CEACAM7: variants seen among roughly 807,000 people sequenced by gnomAD.
The protein encoded by CEACAM7 is CEA cell adhesion molecule 7, also known as cell adhesion molecule CEACAM7.
In CEACAM7, 24 loss-of-function variants were observed where a neutral mutation model predicts 25.7. The observed-to-expected ratio is 0.93, with a 90% confidence interval of 0.68 to 1.31. The LOEUF is 1.31. CEACAM7 is among the 40% of genes most tolerant of loss of function. The pLI is 0.00. For synonymous variants in CEACAM7, 144 were observed against 129.4 expected, an observed-to-expected ratio of 1.11 and a Z score of -0.77; for missense variants, 324 against 330.1, an observed-to-expected ratio of 0.98 and a Z score of 0.14.
At chr19:41,687,287 T>G in intron 1 of CEACAM7, 66 bp from the exon 2 acceptor site, 1 of 1,507,764 alleles carries the variant, frequency 6.6e-7, no homozygotes. Flanking sequence ...GATGGGGCCC[T>G]GGATCCTGAG....
At position 41,684,065 on chromosome 19, in the gene CEACAM7, T is replaced by G; in HGVS notation, c.428-2A>C. On this transcript the variant is annotated splice_acceptor_variant, in intron 2 of 4. Transcript: ENST00000401731. LOFTEE classifies it high-confidence loss of function. ...TGATGGAGGGCTTGGGTGGCTCCGC[T>G]GTGCAGATAAGAGAGAGAAAAGATT... The G allele has an allele frequency of 6.2e-7, 1 of 1,613,136 alleles. No homozygotes were observed. The highest frequency in any genetic ancestry group is 8.5e-7 in the Non-Finnish European group (1 of 1,179,564).
At chr19:41,678,135 A>G (rs1036881873) in intron 3 of CEACAM7, among the ~76,000 whole-genome samples, 5 of 151,996 alleles carry the variant, frequency 3.3e-5, no homozygotes, top group Admixed American at 6.6e-5. Context: ...TTTCCCTCAC[A>G]GGTGTTTTTC....
At chr19:41,685,135 G>A (rs1443296390) in intron 2 of CEACAM7, among the ~76,000 whole-genome samples, 3 of 152,228 alleles carry the variant, frequency 2.0e-5, no homozygotes, top group East Asian at 1.9e-4. Flanking sequence ...ACAGCGAGAC[G>A]AGGATGGAGT....
chr19:41,677,620 T>C (rs1486475566), intron 3 of CEACAM7, 117 bp from the exon 4 acceptor site: 8 of 660,120 alleles, frequency 1.2e-5, no homozygotes, highest in Non-Finnish European at 2.1e-5. Context: ...AATACATTAT[T>C]TTTGTGGGAA....
rs781873088 is a variant in CEACAM7 at position 41,688,268 on chromosome 19, T to C, written c.-103A>G. On this transcript the variant is annotated 5_prime_UTR_variant, in exon 1 of 5. Transcript: ENST00000401731. ...TCAGCTCTGCTGTCCTTCCTACCTC[T>C]GTGCTGAGCCTCCTCCCAGGGCAGG... 31 of 1,477,040 alleles carry C rather than the reference T, an allele frequency of 2.1e-5. No homozygotes were observed. The highest frequency in any genetic ancestry group is 2.7e-5 in the Non-Finnish European group (30 of 1,109,944). The allele number at this position is 1,477,040 out of a possible 1,614,324, so 91.5% of individuals were successfully genotyped here. A position where few individuals can be genotyped will look rare whatever the true frequency, so the allele number is the denominator to read the frequency against.
chr19:41,679,801 C>CTTTTTTT (rs34340713), intron 3 of CEACAM7, among the ~76,000 whole-genome samples: 12 of 111,894 alleles, frequency 1.1e-4, no homozygotes, highest in Admixed American at 4.3e-4. Flanking sequence ...CTCTCTCTCT[C>CTTTTTTT]TTTTTTTTTT....
chr19:41,687,965 G>T, intron 1 of CEACAM7, 137 bp downstream of exon 1: 1 of 557,178 alleles, frequency 1.8e-6, no homozygotes, highest in Non-Finnish European at 3.0e-6. Context: ...CTGGTTTCCT[G>T]TCCCTGTCTG....
rs782607907 is a variant in CEACAM7 at position 41,677,492 on chromosome 19, G to A, written c.718C>T (p.Gln240Ter). The A allele has an allele frequency of 2.8e-5, 45 of 1,612,622 alleles. No individual in the cohort carries two copies. Among genetic ancestry groups the A allele is most frequent in the Non-Finnish European group, 3.8e-5 (45 of 1,178,776 alleles). ...VTLNVRYESV[Q>*]ASSPDLSAGT... Reference sequence around the variant, plus strand: ...GCTGAGAGGTCAGGTGAACTTGCTTGTACTGACTCATCTGCCATGGAAAGA... The same window carrying A: ...GCTGAGAGGTCAGGTGAACTTGCTTATACTGACTCATCTGCCATGGAAAGA... The change falls in exon 4 of 5, where the codon CAA (glutamine) becomes TAA (stop). Residue 240 changes from glutamine to a stop codon, truncating the protein, a stop_gained. Coordinates refer to ENST00000401731, the MANE Select transcript of CEACAM7 (RefSeq NM_001291485.2). LOFTEE classifies it high-confidence loss of function.
At chr19:41,681,418 C>T (rs1317755514) in intron 3 of CEACAM7, among the ~76,000 whole-genome samples, 3 of 152,120 alleles carry the variant, frequency 2.0e-5, no homozygotes, top group African/African-American at 7.2e-5. Context: ...GCAGCAATTC[C>T]ACTTCTGGTC....
intron 4 of CEACAM7, 159 bp from the exon 5 acceptor site, chr19:41,674,898 G>A (rs1304522479): frequency 6.6e-6 from 1 of 152,378 alleles, no homozygotes; most frequent in Non-Finnish European, 1.5e-5. Flanking sequence ...AATAGGTAGA[G>A]TCTCATCAAA....
At chr19:41,678,765 T>C (rs1328847405) in intron 3 of CEACAM7, among the ~76,000 whole-genome samples, 1 of 152,240 alleles carries the variant, frequency 6.6e-6, no homozygotes, top group Non-Finnish European at 1.5e-5. Context: ...TTCCTCTGCA[T>C]GTGGCATTTT....
rs2072128515 is a variant in CEACAM7 at position 41,677,607 on chromosome 19, A to C, written c.707-104T>G. ...GAAGTCGTTTCTATTTGTTCCTTCA[A>C]GGAATACATTATTTTTGTGGGAAGG... On this transcript the variant is annotated intron_variant, in intron 3 of 4. Coordinates refer to ENST00000401731, the MANE Select transcript of CEACAM7 (RefSeq NM_001291485.2). 8 of 742,572 alleles carry C rather than the reference A, an allele frequency of 1.1e-5. No homozygotes were observed. In the African/African-American group the frequency reaches 1.2e-4, roughly 11 times the overall value. 46.0% of individuals were successfully genotyped at this position (742,572 alleles called of 1,614,324 possible). A position where few individuals can be genotyped will look rare whatever the true frequency, so the allele number is the denominator to read the frequency against.
chr19:41,681,642 C>CATG (rs2072176894), intron 3 of CEACAM7, among the ~76,000 whole-genome samples: 1 of 152,214 alleles, frequency 6.6e-6, no homozygotes, highest in Non-Finnish European at 1.5e-5. Context: ...TTTACACACT[C>CATG]ATGAGACTCA....
rs564601168 is a variant in CEACAM7, at chr19:41,684,143, A to T, written c.428-80T>A. The stretch of plus-strand genomic sequence containing the variant: ...CGGACATCTTTCAATCAGAGTTGGC[A>T]TCTCCCACCTCTAAGCCCACTCAAG... On this transcript the variant is annotated intron_variant, in intron 2 of 4. Transcript: ENST00000401731. 3.8e-5 allele frequency: 57 copies of T among 1,498,154 alleles called. No homozygotes were observed. The East Asian group carries it at 7.5e-4, about 20-fold the overall frequency. 92.8% of individuals were successfully genotyped at this position (1,498,154 alleles called of 1,614,324 possible). A position where few individuals can be genotyped will look rare whatever the true frequency, so the allele number is the denominator to read the frequency against.
chr19:41,688,073 C>A, intron 1 of CEACAM7, 29 bp downstream of exon 1: 1 of 1,598,592 alleles, frequency 6.3e-7, no homozygotes, highest in Non-Finnish European at 8.5e-7. Flanking sequence ...GCCCTCCTCC[C>A]ACCCACTCCC....
chr19:41,675,490 T>C (rs1284224261), intron 4 of CEACAM7, among the ~76,000 whole-genome samples: 4 of 152,224 alleles, frequency 2.6e-5, no homozygotes, highest in African/African-American at 9.6e-5. Context: ...CTGATCTTGA[T>C]TGGCAGTTTC....
intron 3 of CEACAM7, among the ~76,000 whole-genome samples, chr19:41,679,599 A>G (rs2072151184): frequency 6.8e-6 from 1 of 147,300 alleles, no homozygotes; most frequent in Non-Finnish European, 1.5e-5. Flanking sequence ...GAAAGAAAAT[A>G]ACATCCAAAT....
Position 41,673,714 on chromosome 19 carries a change from T to A in CEACAM7, c.*1062A>T, listed in dbSNP as rs2072087069. 1 of 152,250 alleles carries A rather than the reference T, an allele frequency of 6.6e-6. No individual in the cohort carries two copies. The highest frequency in any genetic ancestry group is 2.1e-4 in the South Asian group (1 of 4,834). The allele number at this position is 152,250 out of a possible 1,614,324, so 9.4% of individuals were successfully genotyped here. Reference sequence around the variant, plus strand: ...TTGACTAAACATAAGGCATTAACACTACTGTCAGTTACCATCATTTTGGAC... The same window carrying A: ...TTGACTAAACATAAGGCATTAACACAACTGTCAGTTACCATCATTTTGGAC... On this transcript the variant is annotated 3_prime_UTR_variant, in exon 5 of 5. Coordinates refer to ENST00000401731, the MANE Select transcript of CEACAM7 (RefSeq NM_001291485.2).
At chr19:41,676,447 A>G (rs1802938870) in intron 4 of CEACAM7, among the ~76,000 whole-genome samples, 1 of 152,186 alleles carries the variant, frequency 6.6e-6, no homozygotes, top group African/African-American at 2.4e-5. Flanking sequence ...TCCAACCTTG[A>G]ACTCTTGGGC....
Sources: gnomAD v4.1 joint callset for allele counts (sites outside exome capture counted in the v4.1 genomes callset) on GRCh38, gnomAD v4.1.1 for gene constraint, MANE v1.5 for transcripts, NCBI Gene and HGNC (gene_info 2026-07-23, HGNC 2026-07-21) for gene names.